The following ARHGEF18 variants were observed in gnomAD, a reference collection of about 807,000 sequenced individuals.
The protein encoded by ARHGEF18 is rho guanine nucleotide exchange factor 18.
Under a neutral mutation model 155.7 loss-of-function variants are expected in ARHGEF18, and 93 were observed. The ratio of observed to expected loss-of-function variants is 0.60; its 90% CI spans 0.50 to 0.71. ARHGEF18 has a LOEUF of 0.71. ARHGEF18 is among the 30% of genes least tolerant of loss of function. The probability of loss-of-function intolerance (pLI) is 0.00; values close to 1 mark genes in which losing one functional copy is unlikely to be tolerated. For missense variants in ARHGEF18, 1,593 were observed against 1,816.1 expected (o/e 0.88, Z 2.23); for synonymous variants, 742 against 753.1 (o/e 0.99, Z 0.24).
At chr19:7,453,923 G>A (rs1006128584) in intron 17 of ARHGEF18, among the ~76,000 whole-genome samples, 1 of 152,142 alleles carries the variant, frequency 6.6e-6, no homozygotes, top group Non-Finnish European at 1.5e-5. Context: ...TGGAGTGTTG[G>A]TTCCCATTTT....
chr19:7,380,921 C>T lies in ARHGEF18; in HGVS notation c.649C>T (p.Arg217Trp), dbSNP rs535872966. The T allele has an allele frequency of 4.1e-5, 51 of 1,231,866 alleles. No homozygotes were observed. Among genetic ancestry groups the T allele is most frequent in the African/African-American group, 3.9e-4 (25 of 64,408 alleles). The allele number at this position is 1,231,866 out of a possible 1,614,324, so 76.3% of individuals were successfully genotyped here. The change falls in exon 8 of 29, where the codon CGG becomes TGG. Residue 217 changes from arginine to tryptophan, a missense_variant. Arg to Trp is a moderately radical substitution (Grantham distance 101, BLOSUM62 -3). Coordinates refer to ENST00000668164, the MANE Select transcript of ARHGEF18 (RefSeq NM_001367823.1). ...LQELRQYHGA[R>W]QRACMSASPG... The stretch of plus-strand genomic sequence containing the variant: ...CTGTCCCCTCTGATCCTGCAGGGCC[C>T]GGCAGAGGGCTTGCATGTCAGCCAG...
chr19:7,452,455 T>C (rs772038570), intron 16 of ARHGEF18, among the ~76,000 whole-genome samples: 17 of 149,152 alleles, frequency 1.1e-4, no homozygotes, highest in Non-Finnish European at 2.5e-4. Context: ...GGGAATCTAA[T>C]TTATTTATTT....
chr19:7,361,280 T>TA (rs148562783), intron 1 of ARHGEF18, among the ~76,000 whole-genome samples: 3,663 of 151,792 alleles, frequency 0.024, 116 homozygotes, highest in East Asian at 0.11. Context: ...CTACTAAAAA[T>TA]AAAAAAAATT....
chr19:7,358,244 C>CCATCCATCCACCCAT (rs1451313360), intron 1 of ARHGEF18, among the ~76,000 whole-genome samples: 1 of 14,770 alleles, frequency 6.8e-5, no homozygotes, highest in East Asian at 3.9e-3. Context: ...CATCCATCCA[C>CCATCCATCCACCCAT]CCATCCACCC....
intron 10 of ARHGEF18, among the ~76,000 whole-genome samples, chr19:7,407,975 A>G (rs986023689): frequency 3.3e-5 from 5 of 150,392 alleles, no homozygotes; most frequent in Non-Finnish European, 7.4e-5. Context: ...AAAAAAAAAA[A>G]AAAAAAAAAA....
intron 10 of ARHGEF18, among the ~76,000 whole-genome samples, chr19:7,400,807 C>A (rs1325557982): frequency 2.0e-5 from 3 of 151,942 alleles, no homozygotes. Flanking sequence ...TGCACTCTAG[C>A]CTTGGCAACA....
At chr19:7,393,154 C>T (rs1236824853) in intron 10 of ARHGEF18, among the ~76,000 whole-genome samples, 1 of 152,176 alleles carries the variant, frequency 6.6e-6, no homozygotes, top group East Asian at 1.9e-4. Flanking sequence ...CATAAACTCC[C>T]GTGTTAGAGT....
intron 10 of ARHGEF18, chr19:7,439,687 T>C (rs1422561307): frequency 8.1e-7 from 1 of 1,232,126 alleles, no homozygotes; most frequent in African/African-American, 1.5e-5. Flanking sequence ...CAGGGGCGGC[T>C]AAACACCATG....
intron 10 of ARHGEF18, among the ~76,000 whole-genome samples, chr19:7,404,680 T>A (rs983729135): frequency 6.6e-6 from 1 of 151,944 alleles, no homozygotes; most frequent in African/African-American, 2.4e-5. Flanking sequence ...TAAAAGGCCT[T>A]TTAGATAGAT....
At chr19:7,424,996 GAAA>G (rs538094940) in intron 10 of ARHGEF18, among the ~76,000 whole-genome samples, 1 of 136,588 alleles carries the variant, frequency 7.3e-6, no homozygotes. Context: ...ACGTCTCGGG[GAAA>G]AAAAAAAAAA....
Position 7,397,097 on chromosome 19 carries a change from G to GAAAAA in ARHGEF18, c.967+13911_967+13915dup, listed in dbSNP as rs35973104. Among the ~76,000 whole-genome samples, 73 of 62,316 alleles carry GAAAAA rather than the reference G, an allele frequency of 1.2e-3. 2 individuals carry two copies. Among genetic ancestry groups the GAAAAA allele is most frequent in the Non-Finnish European group, 2.8e-3 (71 of 25,028 alleles). 40.9% of individuals were successfully genotyped at this position (62,316 alleles called of 152,430 possible). A position where few individuals can be genotyped will look rare whatever the true frequency, so the allele number is the denominator to read the frequency against. On this transcript the variant is annotated intron_variant, in intron 10 of 28. Transcript: ENST00000668164. ...TCTGTAGGTCAGCAAGCCTTTTTGC[G>GAAAAA]AAAAAAAAAAAAAAAAAAAAATGAA...
intron 10 of ARHGEF18, among the ~76,000 whole-genome samples, chr19:7,434,098 T>C (rs1974123625): frequency 6.6e-6 from 1 of 151,788 alleles, no homozygotes; most frequent in African/African-American, 2.4e-5. Flanking sequence ...TCCTGACACC[T>C]GTTACGAAAG....
At chr19:7,449,817 A>G (rs1386518031) in intron 15 of ARHGEF18, among the ~76,000 whole-genome samples, 1 of 152,030 alleles carries the variant, frequency 6.6e-6, no homozygotes, top group Non-Finnish European at 1.5e-5. Context: ...AGCTGGGACT[A>G]CAGGAGTGTG....
intron 10 of ARHGEF18, among the ~76,000 whole-genome samples, chr19:7,424,793 G>T (rs1179916890): frequency 4.0e-5 from 6 of 151,744 alleles, no homozygotes. Context: ...CAGGAGATCG[G>T]GACCATCCTG....
In ARHGEF18 at chr19:7,464,681, G is replaced by A. The variant is rs773463254; in HGVS notation, c.2895G>A (p.Ser965=). ...ACATTCCTGGGAGCTCTGAGGAATCGCCGCAGGTGGTACGTGGATATCCAT... is the reference window on the plus strand; with the variant it reads ...ACATTCCTGGGAGCTCTGAGGAATCACCGCAGGTGGTACGTGGATATCCAT... The part of the protein sequence containing the change: ...DSDIPGSSEE[S]PQVVEAPGTE... The change falls in exon 23 of 29, where the codon TCG becomes TCA. Residue 965 remains serine (S), a synonymous_variant. Coordinates refer to ENST00000668164, the MANE Select transcript of ARHGEF18 (RefSeq NM_001367823.1). The A allele has an allele frequency of 7.4e-6, 12 of 1,613,878 alleles. No individual in the cohort carries two copies. Among genetic ancestry groups the A allele is most frequent in the South Asian group, 2.2e-5 (2 of 91,076 alleles).
intron 10 of ARHGEF18, among the ~76,000 whole-genome samples, chr19:7,416,791 A>G (rs12980976): frequency 0.55 from 82,969 of 150,196 alleles, 23,272 homozygotes; most frequent in Middle Eastern, 0.74. Flanking sequence ...TTTAAGTGGA[A>G]ACGGGGTTTC....
intron 14 of ARHGEF18, 131 bp from the exon 15 acceptor site, chr19:7,446,900 AAAAAAAAAAAAG>A (rs1414936232): frequency 3.5e-6 from 4 of 1,141,238 alleles, no homozygotes; most frequent in Non-Finnish European, 4.7e-6. Context: ...TGTCTCAAAA[AAAAAAAAAAAAG>A]AAGAAGAAAG....
In ARHGEF18 at chr19:7,349,259, G is replaced by A. The variant is rs1969101018; in HGVS notation, c.-111+18G>A. On this transcript the variant is annotated intron_variant, in intron 1 of 28. Transcript: ENST00000668164. The stretch of plus-strand genomic sequence containing the variant: ...TCTATCTGGTAAGTACTTATCCTGG[G>A]AAGTGGAGAGAGATGGACCCATCGG... 1 of 152,378 alleles carries A rather than the reference G, an allele frequency of 6.6e-6. No homozygotes were observed. Among genetic ancestry groups the A allele is most frequent in the African/African-American group, 2.4e-5 (1 of 41,466 alleles). The allele number at this position is 152,378 out of a possible 1,614,324, so 9.4% of individuals were successfully genotyped here. A position where few individuals can be genotyped will look rare whatever the true frequency, so the allele number is the denominator to read the frequency against.
At chr19:7,469,764 C>A (rs1482935588) in intron 27 of ARHGEF18, 140 bp from the exon 28 acceptor site, 3 of 970,388 alleles carry the variant, frequency 3.1e-6, no homozygotes, top group Non-Finnish European at 4.6e-6. Flanking sequence ...AGCATCTGAG[C>A]AGCTCAGGTC....
Sources: allele counts gnomAD v4.1 joint callset (sites outside exome capture counted in the v4.1 genomes callset), GRCh38; gene constraint gnomAD v4.1.1; transcripts MANE v1.5; gene names NCBI Gene and HGNC (gene_info 2026-07-23, HGNC 2026-07-21).